Variants in BSG observed in about 807,000 individuals in gnomAD.
BSG encodes the protein basigin (Ok blood group), also known as basigin.
A neutral mutation model predicts 43.1 loss-of-function variants in BSG; 37 were observed. That is an observed-to-expected ratio of 0.86 (90% CI 0.66 to 1.13). BSG has a LOEUF of 1.13. Ranked by LOEUF, BSG falls within the 50% of genes most tolerant of loss-of-function variation. The pLI is 0.00. For synonymous variants in BSG, 309 were observed against 238.7 expected (o/e 1.29, Z -2.72); for missense variants, 599 against 554.2 (o/e 1.08, Z -0.81).
chr19:577,039 T>C (rs530649173), intron 1 of BSG, among the ~76,000 whole-genome samples: 214 of 152,288 alleles, frequency 1.4e-3, no homozygotes, highest in African/African-American at 4.8e-3. Flanking sequence ...TGCAAGGTCC[T>C]GGCGGGAGGA....
rs1982113697 is a variant in BSG, at chr19:579,676, A to G, written c.572+20A>G. ...GTTCAAGTGAGTGCCTGACCACGCCATGCCGCCACCTGCCCCTTCTCACGG... is the reference window on the plus strand; with the variant it reads ...GTTCAAGTGAGTGCCTGACCACGCCGTGCCGCCACCTGCCCCTTCTCACGG... On this transcript the variant is annotated intron_variant, in intron 3 of 8. Transcript: ENST00000333511. 1.9e-6 allele frequency: 3 copies of G among 1,589,174 alleles called. No homozygotes were observed. The highest frequency in any genetic ancestry group is 2.3e-5 in the South Asian group (2 of 88,076).
chr19:576,327 G>A (rs1030274935), intron 1 of BSG, among the ~76,000 whole-genome samples: 1 of 152,228 alleles, frequency 6.6e-6, no homozygotes, highest in Non-Finnish European at 1.5e-5. Flanking sequence ...GCAGGAAGGA[G>A]CTTGCCAGCT....
At chr19:575,897 C>A (rs1423391409) in intron 1 of BSG, among the ~76,000 whole-genome samples, 1 of 152,124 alleles carries the variant, frequency 6.6e-6, no homozygotes, top group Non-Finnish European at 1.5e-5. Context: ...TGGGGGCGCT[C>A]TGCATTGTCC....
At position 582,643 on chromosome 19, in the gene BSG, G is replaced by T. The variant is rs1036755752; in HGVS notation, c.*5+61G>T. On this transcript the variant is annotated intron_variant, in intron 8 of 8. Coordinates refer to ENST00000333511, the MANE Select transcript of BSG (RefSeq NM_001728.4). ...GGTGGGTGGGTGGGCGGGAACTCCTGAGCCAGGTGTGGTGGGCGGGATCTG... is the reference window on the plus strand; with the variant it reads ...GGTGGGTGGGTGGGCGGGAACTCCTTAGCCAGGTGTGGTGGGCGGGATCTG... 5.4e-5 allele frequency: 76 copies of T among 1,396,456 alleles called. No individual in the cohort carries two copies. The South Asian group carries it at 5.7e-4, about 10-fold the overall frequency. 86.5% of individuals were successfully genotyped at this position (1,396,456 alleles called of 1,614,324 possible).
At position 578,015 on chromosome 19, in the gene BSG, G is replaced by A. The variant is rs766429496; in HGVS notation, c.309G>A (p.Thr103=). Residue 103 remains threonine (T), a synonymous_variant, in exon 2 of 9, where the codon ACG becomes ACA. Coordinates refer to ENST00000333511, the MANE Select transcript of BSG (RefSeq NM_001728.4). The stretch of plus-strand genomic sequence containing the variant: ...TCGACACGCTCGTGGAGGAGGACAC[G>A]GGCACTTACGAGTGCCGGGCCAGCA... The part of the protein sequence containing the change: ...ISIDTLVEED[T]GTYECRASND... The A allele has an allele frequency of 1.7e-5, 27 of 1,611,872 alleles. 1 individual carries two copies. The South Asian group carries it at 2.8e-4, about 16-fold the overall frequency.
At chr19:572,766 G>T in intron 1 of BSG, 65 bp downstream of exon 1, 8 of 1,335,730 alleles carry the variant, frequency 6.0e-6, no homozygotes, top group Non-Finnish European at 7.7e-6. Flanking sequence ...CCGCGGTGCC[G>T]ACCCGAAGCC....
At chr19:582,441 C>A in intron 7 of BSG, 73 bp from the exon 8 acceptor site, 1 of 850,348 alleles carries the variant, frequency 1.2e-6, no homozygotes, top group Middle Eastern at 2.6e-4. Context: ...TCCTGGGGGC[C>A]GGGGTGGGCA....
intron 1 of BSG, among the ~76,000 whole-genome samples, chr19:572,951 C>T (rs548739974): frequency 1.9e-4 from 28 of 148,758 alleles, no homozygotes; most frequent in Non-Finnish European, 3.1e-4. Flanking sequence ...TCGAGCCCGG[C>T]CTCTGTGTGT....
chr19:580,333 G>A (rs11879069), intron 3 of BSG, 46 bp from the exon 4 acceptor site: 379,638 of 1,579,634 alleles, frequency 0.24, 48,466 homozygotes, highest in East Asian at 0.48. Context: ...CCTTGGAGGC[G>A]TCCTGCAGAG....
chr19:579,690 C>T, intron 3 of BSG, 34 bp downstream of exon 3: 1 of 1,576,908 alleles, frequency 6.3e-7, no homozygotes, highest in South Asian at 1.2e-5. Flanking sequence ...CGCCACCTGC[C>T]CCTTCTCACG....
chr19:578,553 C>T (rs1981989001), intron 2 of BSG, among the ~76,000 whole-genome samples: 2 of 152,244 alleles, frequency 1.3e-5, no homozygotes, highest in Non-Finnish European at 1.5e-5. Flanking sequence ...ATTTCAATTC[C>T]TAGCGGGAAT....
chr19:572,728 G>T, intron 1 of BSG, 27 bp downstream of exon 1: 1 of 1,461,072 alleles, frequency 6.8e-7, no homozygotes, highest in Non-Finnish European at 9.1e-7. Flanking sequence ...GGGCGGGGGT[G>T]CGGTCCTGCA....
rs145797107 is a variant in BSG, at chr19:577,899, G to A, written c.193G>A (p.Asp65Asn). 5.6e-6 allele frequency: 9 copies of A among 1,595,110 alleles called. No individual in the cohort carries two copies. Among genetic ancestry groups the A allele is most frequent in the South Asian group, 2.2e-5 (2 of 89,534 alleles). ...QWWFEGQGPN[D>N]TCSQLWDGAR... is the part of the protein sequence containing the mutation. ...GTGGTTTGAAGGGCAGGGTCCCAAC[G>A]ACACCTGCTCCCAGCTCTGGGACGG... The change falls in exon 2 of 9, where the codon GAC becomes AAC. Residue 65 changes from aspartate to asparagine, a missense_variant. Physicochemically the swap from Asp to Asn is conservative, Grantham distance 23 (BLOSUM62 1). Transcript: ENST00000333511.
At chr19:574,154 C>T (rs1313850806) in intron 1 of BSG, among the ~76,000 whole-genome samples, 1 of 151,908 alleles carries the variant, frequency 6.6e-6, no homozygotes, top group African/African-American at 2.4e-5. Flanking sequence ...ACTCAGGAAG[C>T]TGAGGCAAGA....
chr19:571,356 G>A, upstream of BSG: 1 of 601,544 alleles, frequency 1.7e-6, no homozygotes, highest in Non-Finnish European at 3.0e-6. Context: ...CTTGCATTGC[G>A]ACTCCGAGTT....
At position 572,681 on chromosome 19, in the gene BSG, C is replaced by G. The variant is rs1472808106; in HGVS notation, c.47C>G (p.Thr16Ser). 6.7e-7 allele frequency: 1 copy of G among 1,496,118 alleles called. No homozygotes were observed. The allele number at this position is 1,496,118 out of a possible 1,614,324, so 92.7% of individuals were successfully genotyped here. The change falls in exon 1 of 9, where the codon ACC (threonine) becomes AGC (serine). Residue 16 changes from threonine (T) to serine (S), a missense_variant. By Grantham distance (58) the Thr-to-Ser change is moderately conservative. Transcript: ENST00000333511. ...CTGCTGGGATTCGCGCTGCTGGGCA[C>G]CCACGGAGCCTCCGGGGCTGGTGAG... ...FVLLGFALLGTHGASGAAGFV... is the reference protein window; with the variant it reads ...FVLLGFALLGSHGASGAAGFV...
rs752859173 is a variant in BSG at position 577,802 on chromosome 19, G to C, written c.96G>C (p.Gln32His). Reference sequence around the variant, plus strand: ...GCTTCGTCCAGGCGCCGCTGTCCCAGCAGAGGTGGGTGGGGGGCAGTGTGG... The same window carrying C: ...GCTTCGTCCAGGCGCCGCTGTCCCACCAGAGGTGGGTGGGGGGCAGTGTGG... ...AAGFVQAPLS[Q>H]QRWVGGSVEL... Residue 32 changes from glutamine to histidine, a missense_variant, in exon 2 of 9, where the codon CAG becomes CAC. Physicochemically the swap from Gln to His is conservative, Grantham distance 24. Transcript: ENST00000333511. 23 of 1,446,846 alleles carry C rather than the reference G, an allele frequency of 1.6e-5. 1 individual carries two copies. In the South Asian group the frequency reaches 3.4e-4, roughly 22 times the overall value. 89.6% of individuals were successfully genotyped at this position (1,446,846 alleles called of 1,614,324 possible).
intron 6 of BSG, among the ~76,000 whole-genome samples, chr19:581,989 G>T (rs564651283): frequency 6.6e-6 from 1 of 152,372 alleles, no homozygotes; most frequent in African/African-American, 2.4e-5. Flanking sequence ...TGCCCCTTGG[G>T]CTGCGTGTGC....
chr19:582,356 G>T lies in BSG; in HGVS notation c.1094+26G>T. The T allele has an allele frequency of 3.8e-6, 6 of 1,596,372 alleles. No homozygotes were observed. In the South Asian group the frequency reaches 6.8e-5, roughly 18 times the overall value. On this transcript the variant is annotated intron_variant, in intron 7 of 8. Transcript: ENST00000333511. ...GTAAGTTCCAGCTGTGGGGGTCGGG[G>T]GTCCCAAGGAGCGGCCTGCTGCCCC... is the stretch of plus-strand genomic sequence containing the variant.
Sources: allele counts gnomAD v4.1 joint callset (sites outside exome capture counted in the v4.1 genomes callset), GRCh38; gene constraint gnomAD v4.1.1; transcripts MANE v1.5; gene names NCBI Gene and HGNC (gene_info 2026-07-23, HGNC 2026-07-21).